ASIC2: variants seen among roughly 807,000 people sequenced by gnomAD.
The protein encoded by ASIC2 is acid-sensing ion channel 2.
Under a neutral mutation model 57.3 loss-of-function variants are expected in ASIC2, and 25 were observed. The observed-to-expected ratio is 0.44, with a 90% CI of 0.32 to 0.61. The LOEUF (loss-of-function observed/expected upper bound fraction) is 0.61. ASIC2 is among the 20% of genes least tolerant of loss of function. ASIC2 has a pLI of 0.06. For synonymous variants in ASIC2, 319 were observed against 307.5 expected (o/e 1.04, Z -0.39); for missense variants, 641 against 738.1 (o/e 0.87, Z 1.52).
rs536812285 is a variant in ASIC2, at chr17:33,485,754, A to C, written c.556-373687T>G. Among the ~76,000 whole-genome samples, 8 of 152,192 alleles carry C rather than the reference A, an allele frequency of 5.3e-5. No homozygotes were observed. The East Asian group carries it at 1.5e-3, about 29-fold the overall frequency. Reference sequence around the variant, plus strand: ...AGATTAAGTACAAGAGAACTCAGGAACTTGGGGGATATTTTGGAGTTTAAA... The same window carrying C: ...AGATTAAGTACAAGAGAACTCAGGACCTTGGGGGATATTTTGGAGTTTAAA... On this transcript the variant is annotated intron_variant, in intron 1 of 9. Transcript: ENST00000359872.
chr17:33,939,271 A>G (rs1361188317), intron 1 of ASIC2, among the ~76,000 whole-genome samples: 2 of 152,210 alleles, frequency 1.3e-5, no homozygotes, highest in Non-Finnish European at 2.9e-5. Flanking sequence ...AATCCCCCCA[A>G]TTGCCCTGTG....
chr17:33,359,086 T>G (rs1402889790), intron 1 of ASIC2, among the ~76,000 whole-genome samples: 1 of 152,168 alleles, frequency 6.6e-6, no homozygotes, highest in East Asian at 1.9e-4. Context: ...GAGATGACAG[T>G]TGGGAGAGAG....
At chr17:34,106,050 G>A (rs898050874) in intron 1 of ASIC2, among the ~76,000 whole-genome samples, 3 of 151,808 alleles carry the variant, frequency 2.0e-5, no homozygotes, top group Admixed American at 6.6e-5. Context: ...AAATAGTCTC[G>A]AATGTTTCCA....
intron 1 of ASIC2, among the ~76,000 whole-genome samples, chr17:33,877,923 G>A (rs904187785): frequency 2.0e-5 from 3 of 152,148 alleles, no homozygotes; most frequent in African/African-American, 4.8e-5. Flanking sequence ...CCAGAGGAAC[G>A]ATCAAGCAGC....
chr17:33,521,457 G>A (rs1305182502), intron 1 of ASIC2, among the ~76,000 whole-genome samples: 1 of 152,108 alleles, frequency 6.6e-6, no homozygotes, highest in African/African-American at 2.4e-5. Flanking sequence ...GGATGGCCCA[G>A]TTCTGATGCG....
At chr17:33,578,219 A>G (rs115441194) in intron 1 of ASIC2, among the ~76,000 whole-genome samples, 168 of 152,280 alleles carry the variant, frequency 1.1e-3, no homozygotes, top group African/African-American at 3.6e-3. Context: ...AGGAATGATG[A>G]GACGTTCTGA....
At position 33,644,210 on chromosome 17, in the gene ASIC2, G is replaced by T. The variant is rs142252214; in HGVS notation, c.555+511768C>A. The stretch of plus-strand genomic sequence containing the variant: ...ATCACATTAATCTTATATTTTATGT[G>T]TTAACGTGTGCCTCCAATAACTTGC... On this transcript the variant is annotated intron_variant, in intron 1 of 9. Coordinates refer to the ASIC2 transcript ENST00000359872. Among the ~76,000 whole-genome samples the T allele has an allele frequency of 1.0e-3, 157 of 152,294 alleles. 1 individual carries two copies. The highest frequency in any genetic ancestry group is 3.4e-3 in the African/African-American group (142 of 41,572).
At chr17:33,546,112 C>T (rs1397119725) in intron 1 of ASIC2, among the ~76,000 whole-genome samples, 4 of 150,146 alleles carry the variant, frequency 2.7e-5, no homozygotes, top group Non-Finnish European at 4.4e-5. Flanking sequence ...TATATATGTG[C>T]ATATATATAT....
chr17:33,770,531 T>C (rs1233618259), intron 1 of ASIC2, among the ~76,000 whole-genome samples: 1 of 152,218 alleles, frequency 6.6e-6, no homozygotes, highest in Admixed American at 6.5e-5. Flanking sequence ...AAGTTCACTC[T>C]ATGCCAACTC....
At chr17:34,103,773 G>C (rs762724268) in intron 1 of ASIC2, among the ~76,000 whole-genome samples, 1 of 151,960 alleles carries the variant, frequency 6.6e-6, no homozygotes, top group Non-Finnish European at 1.5e-5. Flanking sequence ...ATAAACATGT[G>C]TATCTATTTA....
chr17:33,276,062 G>A (rs1191838681), intron 1 of ASIC2, among the ~76,000 whole-genome samples: 1 of 152,134 alleles, frequency 6.6e-6, no homozygotes, highest in African/African-American at 2.4e-5. Context: ...GAGGGGTCTA[G>A]TTTGTTGACT....
intron 1 of ASIC2, among the ~76,000 whole-genome samples, chr17:33,921,019 A>G (rs1291040497): frequency 1.3e-5 from 2 of 152,358 alleles, no homozygotes; most frequent in African/African-American, 2.4e-5. Flanking sequence ...AAGCTGTTAT[A>G]GTAGTGCCTT....
intron 1 of ASIC2, among the ~76,000 whole-genome samples, chr17:33,654,421 G>C (rs1480347729): frequency 7.2e-5 from 11 of 152,154 alleles, no homozygotes; most frequent in Admixed American, 2.6e-4. Flanking sequence ...TCTGTGCTTG[G>C]CTTCTTGGCT....
chr17:33,864,290 GA>G lies in ASIC2; in HGVS notation c.555+291687del, dbSNP rs556783331. 2.6e-4 allele frequency among the ~76,000 whole-genome samples: 39 copies of G among 151,996 alleles called. 1 individual carries two copies. Among genetic ancestry groups the G allele is most frequent in the South Asian group, 2.1e-4 (1 of 4,820 alleles). ...TTTCCACTATACACATATTTATGGG[GA>G]AAAAAAGTCAATTTAAAGAAAAATG... On this transcript the variant is annotated intron_variant, in intron 1 of 9. Transcript: ENST00000359872.
At chr17:33,217,629 G>A (rs1238669037) in intron 1 of ASIC2, among the ~76,000 whole-genome samples, 2 of 152,192 alleles carry the variant, frequency 1.3e-5, no homozygotes, top group Non-Finnish European at 2.9e-5. Flanking sequence ...GACAGCTTGG[G>A]TCGTAGAAAG....
chr17:34,083,842 G>C (rs1001978730), intron 1 of ASIC2, among the ~76,000 whole-genome samples: 1 of 152,246 alleles, frequency 6.6e-6, no homozygotes, highest in East Asian at 1.9e-4. Flanking sequence ...GTCTGTTCAG[G>C]TCCTTCGCCC....
At chr17:33,957,800 T>TC (rs1904784297) in intron 1 of ASIC2, among the ~76,000 whole-genome samples, 1 of 151,982 alleles carries the variant, frequency 6.6e-6, no homozygotes. Context: ...TTCCCAACAG[T>TC]CCCCCAAAGT....
intron 1 of ASIC2, among the ~76,000 whole-genome samples, chr17:34,046,181 G>A (rs1320203969): frequency 6.6e-6 from 1 of 152,178 alleles, no homozygotes; most frequent in Admixed American, 6.5e-5. Context: ...GACCAGGTAA[G>A]ATGAGCAGAA....
chr17:33,417,695 A>ATT (rs1237216851), intron 1 of ASIC2, among the ~76,000 whole-genome samples: 3 of 152,076 alleles, frequency 2.0e-5, no homozygotes, highest in Admixed American at 6.5e-5. Context: ...GCCTCTTCCA[A>ATT]TGTTTCCGCC....
Sources: allele counts gnomAD v4.1 joint callset (sites outside exome capture counted in the v4.1 genomes callset), GRCh38; gene constraint gnomAD v4.1.1; transcripts MANE v1.5; gene names NCBI Gene and HGNC (gene_info 2026-07-23, HGNC 2026-07-21).